ERC2: variants seen among roughly 807,000 people sequenced by gnomAD.
ERC2 encodes ELKS/RAB6-interacting/CAST family member 2.
In ERC2, 42 loss-of-function variants were observed where a neutral mutation model predicts 114.8. The ratio of observed to expected loss-of-function variants is 0.37; its 90% CI spans 0.29 to 0.47. The LOEUF (loss-of-function observed/expected upper bound fraction) is 0.47, where lower values mean the gene tolerates loss of function less well. Among genes scored for constraint, ERC2 ranks in the 20% least tolerant of loss-of-function variants. ERC2 has a pLI of 0.99. For synonymous variants in ERC2, 454 were observed against 425.5 expected, an observed-to-expected ratio of 1.07 and a Z score of -0.82; for missense variants, 939 against 1,150.7, an observed-to-expected ratio of 0.82 and a Z score of 2.66.
chr3:55,545,528 T>C (rs2054683141), intron 17 of ERC2, among the ~76,000 whole-genome samples: 1 of 151,488 alleles, frequency 6.6e-6, no homozygotes, highest in Admixed American at 6.6e-5. Context: ...TGGGGAAGAG[T>C]TGAACATCTC....
At chr3:56,027,418 C>T (rs1053365966) in intron 7 of ERC2, among the ~76,000 whole-genome samples, 7 of 152,126 alleles carry the variant, frequency 4.6e-5, no homozygotes, top group Non-Finnish European at 7.4e-5. Flanking sequence ...AGTGGCTTTA[C>T]CATTTTAATT....
chr3:55,844,218 A>G (rs754936526), intron 14 of ERC2, among the ~76,000 whole-genome samples: 5 of 152,206 alleles, frequency 3.3e-5, no homozygotes, highest in Non-Finnish European at 4.4e-5. Context: ...TATATCTGCA[A>G]TAGAAATGTA....
intron 4 of ERC2, among the ~76,000 whole-genome samples, chr3:56,155,651 T>C (rs987100537): frequency 3.3e-5 from 5 of 152,138 alleles, no homozygotes; most frequent in Admixed American, 6.6e-5. Context: ...AAGATTGCCA[T>C]AGCAGAGTCA....
intron 12 of ERC2, among the ~76,000 whole-genome samples, chr3:55,967,303 G>A (rs2068815339): frequency 6.6e-6 from 1 of 151,958 alleles, no homozygotes; most frequent in Non-Finnish European, 1.5e-5. Flanking sequence ...AATTTTTTAA[G>A]AAAAACACCA....
At chr3:55,593,665 G>C (rs1575695159) in intron 17 of ERC2, among the ~76,000 whole-genome samples, 1 of 152,142 alleles carries the variant, frequency 6.6e-6, no homozygotes, top group Admixed American at 6.5e-5. Flanking sequence ...TCCACTTGGT[G>C]GTGGGGCAGG....
chr3:56,227,060 G>C (rs953588308), intron 3 of ERC2, among the ~76,000 whole-genome samples: 1 of 151,982 alleles, frequency 6.6e-6, no homozygotes, highest in African/African-American at 2.4e-5. Context: ...ATTCTCATCA[G>C]CTCTCCCTAA....
chr3:55,875,155 A>G (rs2062768025), intron 14 of ERC2, among the ~76,000 whole-genome samples: 1 of 152,220 alleles, frequency 6.6e-6, no homozygotes, highest in African/African-American at 2.4e-5. Flanking sequence ...ATAATAAAGC[A>G]TTAGTTGACA....
chr3:56,408,062 A>G (rs1438576238), intron 2 of ERC2, among the ~76,000 whole-genome samples: 1 of 152,150 alleles, frequency 6.6e-6, no homozygotes, highest in Non-Finnish European at 1.5e-5. Flanking sequence ...ACATTTTATA[A>G]TGATGTATTT....
At chr3:55,700,051 A>G (rs1195991538) in intron 15 of ERC2, among the ~76,000 whole-genome samples, 1 of 152,232 alleles carries the variant, frequency 6.6e-6, no homozygotes, top group Non-Finnish European at 1.5e-5. Flanking sequence ...TTCTTGGGAA[A>G]TGGCTCTCTA....
chr3:56,003,228 C>T (rs2072219316), intron 10 of ERC2: 3 of 840,120 alleles, frequency 3.6e-6, no homozygotes, highest in Admixed American at 3.2e-5. Flanking sequence ...TCCATGCATT[C>T]GCACAGACGA....
chr3:55,600,914 C>T (rs964147105), intron 17 of ERC2, among the ~76,000 whole-genome samples: 1 of 152,260 alleles, frequency 6.6e-6, no homozygotes, highest in Non-Finnish European at 1.5e-5. Context: ...CTGGCCCTGC[C>T]ATGTGGCATC....
chr3:55,714,918 G>A (rs2064023773), intron 15 of ERC2, among the ~76,000 whole-genome samples: 1 of 151,638 alleles, frequency 6.6e-6, no homozygotes, highest in Admixed American at 6.6e-5. Context: ...CATATTAGGG[G>A]GAGATACTGT....
chr3:55,939,411 G>A (rs999311535), intron 13 of ERC2, among the ~76,000 whole-genome samples: 1 of 152,200 alleles, frequency 6.6e-6, no homozygotes, highest in Admixed American at 6.5e-5. Flanking sequence ...GGCTCCCTTT[G>A]TCAAGTGATT....
At chr3:56,398,559 CAT>C (rs1448760756) in intron 2 of ERC2, among the ~76,000 whole-genome samples, 6 of 151,692 alleles carry the variant, frequency 4.0e-5, no homozygotes, top group African/African-American at 1.5e-4. Flanking sequence ...TGTATATATA[CAT>C]ATATATGTCA....
chr3:56,425,690 T>C (rs573687853), intron 2 of ERC2, among the ~76,000 whole-genome samples: 18 of 151,980 alleles, frequency 1.2e-4, no homozygotes, highest in Middle Eastern at 3.4e-3. Flanking sequence ...TAAGATTTCA[T>C]TGAACCTCCC....
chr3:55,851,188 T>TTTTTTTTTTTTTTTTTTTTTGAG (rs1427189122), intron 14 of ERC2, among the ~76,000 whole-genome samples: 1 of 148,096 alleles, frequency 6.8e-6, no homozygotes, highest in African/African-American at 2.5e-5. Context: ...ATGATTTTTT[T>TTTTTTTTTTTTTTTTTTTTTGAG]AAGCCCATGC....
chr3:55,738,116 C>T (rs2065753514), intron 14 of ERC2, among the ~76,000 whole-genome samples: 1 of 152,116 alleles, frequency 6.6e-6, no homozygotes, highest in Non-Finnish European at 1.5e-5. Context: ...TTATCTTTGG[C>T]CCAGAAGTCT....
At chr3:56,192,933 G>A (rs1042016803) in intron 3 of ERC2, among the ~76,000 whole-genome samples, 3 of 152,096 alleles carry the variant, frequency 2.0e-5, no homozygotes, top group African/African-American at 7.2e-5. Context: ...TACCACTAAG[G>A]CCAGCAATCA....
At chr3:55,945,705 T>A (rs911246179) in intron 13 of ERC2, among the ~76,000 whole-genome samples, 10 of 145,784 alleles carry the variant, frequency 6.9e-5, no homozygotes, top group Non-Finnish European at 1.4e-4. Context: ...CCTTTCTAGC[T>A]TTTTTTTTTA....
Sources: gnomAD v4.1 joint callset for allele counts (sites outside exome capture counted in the v4.1 genomes callset) on GRCh38, gnomAD v4.1.1 for gene constraint, MANE v1.5 for transcripts, NCBI Gene and HGNC (gene_info 2026-07-23, HGNC 2026-07-21) for gene names.